Variants in NCK2 observed in about 807,000 individuals in gnomAD.
The protein encoded by NCK2 is NCK adaptor protein 2.
NCK2 carries 16 observed loss-of-function variants against 33.9 expected under a neutral mutation model. That is an observed-to-expected ratio of 0.47 (90% CI 0.32 to 0.72). The LOEUF (loss-of-function observed/expected upper bound fraction) is 0.72. Ranked by LOEUF, NCK2 falls within the 30% of genes least tolerant of loss-of-function variation. The pLI is 0.03. For missense variants in NCK2, 418 were observed against 537.3 expected (o/e 0.78, Z 2.19); for synonymous variants, 273 against 239.9 (o/e 1.14, Z -1.27).
chr2:105,882,075 G>C (rs769418391), intron 4 of NCK2, 26 bp downstream of exon 4: 15 of 1,480,720 alleles, frequency 1.0e-5, no homozygotes, highest in Non-Finnish European at 9.9e-6. Flanking sequence ...CCACAGCTCC[G>C]GCTGCAGGCA....
At chr2:105,817,049 A>C (rs996732622) in intron 2 of NCK2, among the ~76,000 whole-genome samples, 1 of 152,002 alleles carries the variant, frequency 6.6e-6, no homozygotes, top group African/African-American at 2.4e-5. Context: ...GGTGGCGTGC[A>C]CATGTAGTCT....
intron 1 of NCK2, among the ~76,000 whole-genome samples, chr2:105,761,675 C>G (rs1443398775): frequency 6.6e-6 from 1 of 152,134 alleles, no homozygotes; most frequent in African/African-American, 2.4e-5. Context: ...CCCAGGAGTT[C>G]AAGACCAGCC....
intron 2 of NCK2, among the ~76,000 whole-genome samples, chr2:105,834,715 T>G (rs913961753): frequency 2.0e-5 from 3 of 152,168 alleles, no homozygotes; most frequent in African/African-American, 7.2e-5. Flanking sequence ...TTACTGAAGC[T>G]AGAGTGCAGT....
chr2:105,790,364 T>C (rs1690837657), intron 1 of NCK2, among the ~76,000 whole-genome samples: 1 of 152,202 alleles, frequency 6.6e-6, no homozygotes, highest in South Asian at 2.1e-4. Context: ...CCTGGGCTTC[T>C]CAATGCCATA....
chr2:105,773,295 G>A (rs1279979911), intron 1 of NCK2, among the ~76,000 whole-genome samples: 2 of 151,986 alleles, frequency 1.3e-5, no homozygotes, highest in African/African-American at 4.8e-5. Flanking sequence ...TCTAACACTG[G>A]CTTAGTCCCC....
intron 1 of NCK2, among the ~76,000 whole-genome samples, chr2:105,807,747 T>TCCCTCCCTCCCTCCCTTCCC (rs1295109810): frequency 4.1e-5 from 1 of 24,398 alleles, no homozygotes; most frequent in Non-Finnish European, 7.8e-5. Flanking sequence ...CCTTCCTTCC[T>TCCCTCCCTCCCTCCCTTCCC]TCCCTCCCTC....
chr2:105,815,319 A>G (rs960147189), intron 1 of NCK2, among the ~76,000 whole-genome samples: 4 of 152,214 alleles, frequency 2.6e-5, no homozygotes, highest in African/African-American at 4.8e-5. Flanking sequence ...TAACATTTTT[A>G]TGATAGCCCT....
intron 1 of NCK2, among the ~76,000 whole-genome samples, chr2:105,760,604 G>A (rs1016598362): frequency 2.6e-5 from 4 of 152,096 alleles, no homozygotes; most frequent in Admixed American, 2.0e-4. Flanking sequence ...CTCCATCTGA[G>A]GCTCCCTTTG....
At chr2:105,786,392 G>T (rs1206226591) in intron 1 of NCK2, among the ~76,000 whole-genome samples, 1 of 152,232 alleles carries the variant, frequency 6.6e-6, no homozygotes, top group Non-Finnish European at 1.5e-5. Flanking sequence ...GTTCGGGAAG[G>T]CTGGGAGTGT....
chr2:105,817,951 A>G (rs1675559372), intron 2 of NCK2, among the ~76,000 whole-genome samples: 1 of 152,140 alleles, frequency 6.6e-6, no homozygotes, highest in African/African-American at 2.4e-5. Context: ...AGGAATATAA[A>G]TCATGCTGCT....
chr2:105,763,298 G>A lies in NCK2; in HGVS notation c.-201+18160G>A, dbSNP rs546945546. Among the ~76,000 whole-genome samples the A allele has an allele frequency of 1.2e-4, 19 of 152,266 alleles. No homozygotes were observed. In the South Asian group the frequency reaches 1.4e-3, roughly 12 times the overall value. On this transcript the variant is annotated intron_variant, in intron 1 of 4. Coordinates refer to ENST00000233154, the MANE Select transcript of NCK2 (RefSeq NM_003581.5). ...CTCGCCAGGGACCAGGTGTCACTGC[G>A]TCCTCTGATGACCGAGCTGCTGGGA... is the stretch of plus-strand genomic sequence containing the variant.
intron 1 of NCK2, among the ~76,000 whole-genome samples, chr2:105,806,395 G>A (rs143254526): frequency 0.019 from 2,848 of 151,956 alleles, 51 homozygotes; most frequent in Non-Finnish European, 0.022. Flanking sequence ...CCACCACCAC[G>A]TCCGGCTAAC....
chr2:105,874,129 A>C (rs1678144987), intron 3 of NCK2, among the ~76,000 whole-genome samples: 1 of 152,242 alleles, frequency 6.6e-6, no homozygotes, highest in South Asian at 2.1e-4. Flanking sequence ...CCTTTCAAAA[A>C]ATCCTTAAGT....
At chr2:105,846,266 A>G (rs1676852237) in intron 2 of NCK2, among the ~76,000 whole-genome samples, 1 of 152,076 alleles carries the variant, frequency 6.6e-6, no homozygotes, top group Non-Finnish European at 1.5e-5. Flanking sequence ...TTTTTCTGTA[A>G]AATTTCCCAG....
At chr2:105,850,699 A>C (rs1450893980) in intron 2 of NCK2, among the ~76,000 whole-genome samples, 1 of 152,214 alleles carries the variant, frequency 6.6e-6, no homozygotes, top group Non-Finnish European at 1.5e-5. Context: ...GACTTCTATG[A>C]TGGTCTTGCC....
chr2:105,817,973 T>A (rs925355583), intron 2 of NCK2, among the ~76,000 whole-genome samples: 15 of 152,174 alleles, frequency 9.9e-5, no homozygotes, highest in African/African-American at 3.6e-4. Context: ...TAAAGACACA[T>A]GCACACGTAT....
Position 105,744,985 on chromosome 2 carries a change from G to C in NCK2, c.-354G>C, listed in dbSNP as rs1489469693. ...GGCGGCCGGGAGGCTCGCGGCGCCCGGGCCGGCAGGGTCCGCCCGGGCCGG... is the reference window on the plus strand; with the variant it reads ...GGCGGCCGGGAGGCTCGCGGCGCCCCGGCCGGCAGGGTCCGCCCGGGCCGG... On this transcript the variant is annotated 5_prime_UTR_variant, in exon 1 of 5. Coordinates refer to ENST00000233154, the MANE Select transcript of NCK2 (RefSeq NM_003581.5). 7.1e-6 allele frequency: 1 copy of C among 140,668 alleles called. No individual in the cohort carries two copies. The allele number at this position is 140,668 out of a possible 1,614,324, so 8.7% of individuals were successfully genotyped here.
At chr2:105,767,289 C>T (rs1329079289) in intron 1 of NCK2, among the ~76,000 whole-genome samples, 1 of 152,212 alleles carries the variant, frequency 6.6e-6, no homozygotes, top group Non-Finnish European at 1.5e-5. Context: ...ACGTGGCCTA[C>T]TTGGATGTCT....
chr2:105,811,381 T>A (rs1271440665), intron 1 of NCK2, among the ~76,000 whole-genome samples: 2 of 152,164 alleles, frequency 1.3e-5, no homozygotes, highest in African/African-American at 4.8e-5. Flanking sequence ...GCCTTGTTGC[T>A]TCCTTTTCTG....
Sources: gnomAD v4.1 joint callset for allele counts (sites outside exome capture counted in the v4.1 genomes callset) on GRCh38, gnomAD v4.1.1 for gene constraint, MANE v1.5 for transcripts, NCBI Gene and HGNC (gene_info 2026-07-23, HGNC 2026-07-21) for gene names.